RPH3A: variants seen among roughly 807,000 people sequenced by gnomAD.
The protein encoded by RPH3A is rabphilin 3A.
A neutral mutation model predicts 102.2 loss-of-function variants in RPH3A; 48 were observed. The ratio of observed to expected loss-of-function variants is 0.47; its 90% CI spans 0.37 to 0.60. RPH3A has a LOEUF of 0.60. RPH3A is among the 20% of genes least tolerant of loss of function. The pLI is 0.00. For missense variants in RPH3A, 781 were observed against 910.1 expected, an observed-to-expected ratio of 0.86 and a Z score of 1.83; for synonymous variants, 310 against 324.3, an observed-to-expected ratio of 0.96 and a Z score of 0.47.
At chr12:112,615,371 C>T (rs937342535) in intron 1 of RPH3A, among the ~76,000 whole-genome samples, 9 of 152,182 alleles carry the variant, frequency 5.9e-5, no homozygotes, top group East Asian at 3.9e-4. Context: ...GTTCCCCACA[C>T]GCACTGCCAG....
At chr12:112,786,402 C>T (rs770389414) in intron 1 of RPH3A, among the ~76,000 whole-genome samples, 5 of 152,288 alleles carry the variant, frequency 3.3e-5, no homozygotes, top group Admixed American at 6.5e-5. Flanking sequence ...TTCTCTTGCA[C>T]GCCAATCTCT....
At chr12:112,637,194 G>A (rs2039854846) in intron 1 of RPH3A, among the ~76,000 whole-genome samples, 1 of 152,034 alleles carries the variant, frequency 6.6e-6, no homozygotes. Flanking sequence ...TACTGCTTAT[G>A]TGAACATATT....
intron 4 of RPH3A, among the ~76,000 whole-genome samples, chr12:112,846,948 C>A (rs1162174847): frequency 3.3e-5 from 5 of 152,146 alleles, no homozygotes; most frequent in Admixed American, 2.0e-4. Flanking sequence ...CATCCTTGAG[C>A]AAGTGCTCTA....
chr12:112,600,773 A>C (rs573941640), intron 1 of RPH3A, among the ~76,000 whole-genome samples: 1 of 152,278 alleles, frequency 6.6e-6, no homozygotes, highest in East Asian at 1.9e-4. Flanking sequence ...GCAGTGTCCC[A>C]CTACCTCAGT....
intron 3 of RPH3A, among the ~76,000 whole-genome samples, chr12:112,829,101 C>T (rs116321917): frequency 1.3e-5 from 2 of 152,274 alleles, no homozygotes; most frequent in African/African-American, 4.8e-5. Flanking sequence ...GAACAGATGA[C>T]CTCTAAGTTT....
At chr12:112,676,326 C>T (rs2040174178) in intron 1 of RPH3A, among the ~76,000 whole-genome samples, 1 of 152,112 alleles carries the variant, frequency 6.6e-6, no homozygotes, top group African/African-American at 2.4e-5. Flanking sequence ...ACAATGTCAC[C>T]CAGGCTGTGT....
Position 112,847,746 on chromosome 12 carries a change from G to A in RPH3A, c.134G>A (p.Arg45Lys), listed in dbSNP as rs146502002. Residue 45 changes from arginine to lysine, a missense_variant, in exon 5 of 22, where the codon AGG becomes AAG. This residue lies in a region of RPH3A where 730 missense variants were observed against 810.0 expected (regional missense o/e 0.90). Transcript: ENST00000389385. ...VHPGGQPDRQ[R>K]KQEELTDEEK... is the part of the protein sequence containing the mutation. ...CCCGGTGGTCAGCCTGACAGGCAGA[G>A]GAAGCAGGAAGAGCTGACTGATGAG... The A allele has an allele frequency of 5.1e-5, 83 of 1,614,176 alleles. No individual in the cohort carries two copies. The African/African-American group carries it at 8.1e-4, about 16-fold the overall frequency.
intron 1 of RPH3A, among the ~76,000 whole-genome samples, chr12:112,629,074 C>T (rs544741047): frequency 2.6e-5 from 4 of 152,190 alleles, no homozygotes; most frequent in Admixed American, 6.5e-5. Context: ...AAAAACTGTG[C>T]CACACAGACC....
At chr12:112,801,045 C>T (rs1300894592) in intron 2 of RPH3A, among the ~76,000 whole-genome samples, 1 of 152,056 alleles carries the variant, frequency 6.6e-6, no homozygotes, top group Non-Finnish European at 1.5e-5. Flanking sequence ...AGCAGGATAT[C>T]GTAACTTGGC....
chr12:112,628,782 G>T (rs142738737), intron 1 of RPH3A, among the ~76,000 whole-genome samples: 1 of 151,872 alleles, frequency 6.6e-6, no homozygotes, highest in African/African-American at 2.4e-5. Context: ...CCATGGGGAG[G>T]TTTTAGAGAA....
At chr12:112,594,370 A>G (rs1013504741) in intron 1 of RPH3A, among the ~76,000 whole-genome samples, 2 of 152,196 alleles carry the variant, frequency 1.3e-5, no homozygotes, top group African/African-American at 4.8e-5. Flanking sequence ...TACAGAGTCC[A>G]TAATTTTAAC....
At chr12:112,711,077 G>C (rs773590242) in intron 1 of RPH3A, among the ~76,000 whole-genome samples, 2 of 152,182 alleles carry the variant, frequency 1.3e-5, no homozygotes, top group Admixed American at 1.3e-4. Context: ...GGAGAATTCA[G>C]ATCAATTTTA....
At chr12:112,864,478 T>C (rs1426457380) in intron 5 of RPH3A, among the ~76,000 whole-genome samples, 1 of 145,686 alleles carries the variant, frequency 6.9e-6, no homozygotes, top group African/African-American at 2.6e-5. Flanking sequence ...ATGGATACTA[T>C]AGGCAGGGAA....
chr12:112,869,879 G>C lies in RPH3A; in HGVS notation c.650-14G>C. ...GATGCCCTTTCTCTACTCAATTCAT[G>C]CTCTTCTTTCCAGGCCCTGACCCAG... On this transcript the variant is annotated splice_polypyrimidine_tract_variant and intron_variant, in intron 9 of 21. Coordinates refer to ENST00000389385, the MANE Select transcript of RPH3A (RefSeq NM_001143854.2). 1.2e-6 allele frequency: 2 copies of C among 1,614,034 alleles called. No homozygotes were observed. Among genetic ancestry groups the C allele is most frequent in the South Asian group, 1.1e-5 (1 of 91,070 alleles).
At chr12:112,821,526 T>C (rs739834) in intron 2 of RPH3A, among the ~76,000 whole-genome samples, 39,675 of 151,900 alleles carry the variant, frequency 0.26, 7,925 homozygotes, top group African/African-American at 0.54. Flanking sequence ...GGCCTTTGCA[T>C]TTACTTTTTC....
rs548377186 is a variant in RPH3A, at chr12:112,776,873, C to CA, written c.-139-15232dup. Among the ~76,000 whole-genome samples the CA allele has an allele frequency of 6.6e-4, 49 of 73,922 alleles. 2 individuals are homozygous for CA. Among genetic ancestry groups the CA allele is most frequent in the East Asian group, 1.3e-3 (3 of 2,294 alleles). 48.5% of individuals were successfully genotyped at this position (73,922 alleles called of 152,430 possible). A position where few individuals can be genotyped will look rare whatever the true frequency, so the allele number is the denominator to read the frequency against. ...TGGGCGACAGAGTGAGACTCCATCT[C>CA]AAAAAAAAAAAAAAAAAAAAAAAAA... On this transcript the variant is annotated intron_variant, in intron 1 of 21. Coordinates refer to the RPH3A transcript ENST00000543106.
intron 1 of RPH3A, among the ~76,000 whole-genome samples, chr12:112,742,702 C>T (rs2040718272): frequency 6.6e-6 from 1 of 152,176 alleles, no homozygotes; most frequent in African/African-American, 2.4e-5. Context: ...ACCTGACATC[C>T]CAGCATGGTG....
At chr12:112,828,430 C>A in intron 3 of RPH3A, 41 bp downstream of exon 3, 3 of 1,463,200 alleles carry the variant, frequency 2.1e-6, no homozygotes, top group Non-Finnish European at 2.8e-6. Context: ...TGTTTTGAGT[C>A]GATGAGGTTT....
chr12:112,787,466 C>T (rs577764156), upstream of RPH3A, among the ~76,000 whole-genome samples: 153 of 152,306 alleles, frequency 1.0e-3, 1 homozygote, highest in South Asian at 6.2e-3. Context: ...ATTTCCTCAT[C>T]TTGAAAATGG....
Sources: allele counts gnomAD v4.1 joint callset (sites outside exome capture counted in the v4.1 genomes callset), GRCh38; gene constraint gnomAD v4.1.1; regional missense constraint gnomAD v4.1.1; transcripts MANE v1.5; gene names NCBI Gene and HGNC (gene_info 2026-07-23, HGNC 2026-07-21).